Variants in TFDP1 observed in about 807,000 individuals in gnomAD.
The protein encoded by TFDP1 is transcription factor Dp-1.
TFDP1 carries 6 observed loss-of-function variants against 48.0 expected under a neutral mutation model. That is an observed-to-expected ratio of 0.13 (90% CI 0.07 to 0.25). The LOEUF (loss-of-function observed/expected upper bound fraction) is 0.25. Among genes scored for constraint, TFDP1 ranks in the 10% least tolerant of loss-of-function variants. The pLI, the probability that TFDP1 is intolerant of heterozygous loss-of-function variation, is 1.00. For synonymous variants in TFDP1, 201 were observed against 211.6 expected (o/e 0.95, Z 0.44); for missense variants, 335 against 543.0 (o/e 0.62, Z 3.81).
intron 2 of TFDP1, among the ~76,000 whole-genome samples, chr13:113,587,362 G>A (rs2048030988): frequency 6.6e-6 from 1 of 152,132 alleles, no homozygotes; most frequent in Admixed American, 6.5e-5. Flanking sequence ...TGGGAGGAGA[G>A]TAGGATTCTG....
At chr13:113,615,804 T>C (rs1277958604) in intron 3 of TFDP1, among the ~76,000 whole-genome samples, 1 of 151,976 alleles carries the variant, frequency 6.6e-6, no homozygotes, top group African/African-American at 2.4e-5. Context: ...CCCAGCTACT[T>C]GGGAGGCTGG....
chr13:113,622,655 G>C (rs1308543671), intron 3 of TFDP1, among the ~76,000 whole-genome samples: 1 of 152,166 alleles, frequency 6.6e-6, no homozygotes, highest in Non-Finnish European at 1.5e-5. Flanking sequence ...CTGCAGAGGG[G>C]TCTCCCGCTT....
Position 113,633,025 on chromosome 13 carries a change from C to A in TFDP1, c.309-95C>A. 1 of 1,493,432 alleles carries A rather than the reference C, an allele frequency of 6.7e-7. No homozygotes were observed. The highest frequency in any genetic ancestry group is 2.1e-5 in the Admixed American group (1 of 46,872). 92.5% of individuals were successfully genotyped at this position (1,493,432 alleles called of 1,614,324 possible). On this transcript the variant is annotated intron_variant, in intron 5 of 11. Transcript: ENST00000375370. This position sits in a 1 kb window ranked among gnomAD's most constrained non-coding sequence, Gnocchi z 4.5. ...CCGTGGGACGTGGCCCCTTTTTGTGCAGCTCATTAGAGCTCTCAGGTAAAA... is the reference window on the plus strand; with the variant it reads ...CCGTGGGACGTGGCCCCTTTTTGTGAAGCTCATTAGAGCTCTCAGGTAAAA...
chr13:113,589,266 T>A (rs2048081764), intron 2 of TFDP1, among the ~76,000 whole-genome samples: 1 of 152,166 alleles, frequency 6.6e-6, no homozygotes, highest in Non-Finnish European at 1.5e-5. Flanking sequence ...AGTGGGAGAA[T>A]GTGGAGAACA....
chr13:113,610,524 C>T (rs1199449370), intron 2 of TFDP1, among the ~76,000 whole-genome samples: 2 of 149,216 alleles, frequency 1.3e-5, no homozygotes, highest in Non-Finnish European at 3.0e-5. Flanking sequence ...GTGGTTGTGC[C>T]ATCATACGTG....
intron 11 of TFDP1, 95 bp from the exon 12 acceptor site, chr13:113,640,025 G>A: frequency 1.1e-6 from 1 of 907,068 alleles, no homozygotes; most frequent in East Asian, 2.6e-5. Context: ...CCACACCTGT[G>A]GGGCACAGCC....
Position 113,607,555 on chromosome 13 carries a change from G to A in TFDP1, c.13-3441G>A, listed in dbSNP as rs1436798733. On this transcript the variant is annotated intron_variant, in intron 2 of 11. Coordinates refer to ENST00000375370, the MANE Select transcript of TFDP1 (RefSeq NM_007111.5). The surrounding 1 kb of genome is among the most constrained non-coding windows in gnomAD (Gnocchi z 5.2). ...TCCTTGTTCTCTCCTCATTGCTGCC[G>A]TCACTGTGTGCTGCGCATGCCCTGC... Among the ~76,000 whole-genome samples the A allele has an allele frequency of 2.6e-5, 4 of 152,196 alleles. No homozygotes were observed. Among genetic ancestry groups the A allele is most frequent in the African/African-American group, 7.2e-5 (3 of 41,448 alleles).
At position 113,633,920 on chromosome 13, in the gene TFDP1, G is replaced by A. The variant is rs1341133643; in HGVS notation, c.505G>A (p.Val169Ile). The change falls in exon 7 of 12, where the codon GTC becomes ATC. Residue 169 changes from valine to isoleucine, a missense_variant. Coordinates refer to ENST00000375370, the MANE Select transcript of TFDP1 (RefSeq NM_007111.5). The surrounding 1 kb of genome is among the most constrained non-coding windows in gnomAD (Gnocchi z 4.5). ...TGACCAGAAAAACATAAGACGGCGCGTCTACGATGCCTTAAACGTGCTAAT... is the reference window on the plus strand; with the variant it reads ...TGACCAGAAAAACATAAGACGGCGCATCTACGATGCCTTAAACGTGCTAAT... ...AYDQKNIRRR[V>I]YDALNVLMAM... The A allele has an allele frequency of 3.1e-6, 5 of 1,614,000 alleles. No homozygotes were observed. Among genetic ancestry groups the A allele is most frequent in the East Asian group, 2.2e-5 (1 of 44,888 alleles).
intron 3 of TFDP1, among the ~76,000 whole-genome samples, chr13:113,619,499 AAG>A (rs1406733224): frequency 6.6e-6 from 1 of 151,214 alleles, no homozygotes; most frequent in African/African-American, 2.4e-5. Flanking sequence ...AAAAAAAAAA[AAG>A]AAGAAGCCCA....
intron 2 of TFDP1, among the ~76,000 whole-genome samples, chr13:113,606,791 A>G (rs1169271276): frequency 1.3e-5 from 2 of 152,086 alleles, no homozygotes; most frequent in Admixed American, 1.3e-4. Flanking sequence ...TTTGACACAC[A>G]TTGTATTATG....
rs373442144 is a variant in TFDP1 at position 113,631,619 on chromosome 13, G to C, written c.187-4G>C. On this transcript the variant is annotated splice_region_variant and splice_polypyrimidine_tract_variant and intron_variant, in intron 4 of 11. Coordinates refer to ENST00000375370, the MANE Select transcript of TFDP1 (RefSeq NM_007111.5). ...ACTGTCTGAATTGTCTTTTTCGACT[G>C]TAGGTAATTGGTACGCCTCAGAGAC... 1 of 1,612,552 alleles carries C rather than the reference G, an allele frequency of 6.2e-7. No individual in the cohort carries two copies. The highest frequency in any genetic ancestry group is 1.3e-5 in the African/African-American group (1 of 74,836).
At chr13:113,585,951 AGT>A in intron 2 of TFDP1, 102 bp downstream of exon 2, 1 of 1,332,960 alleles carries the variant, frequency 7.5e-7, no homozygotes, top group Non-Finnish European at 1.1e-6. Context: ...AAGCTACAGT[AGT>A]GTTTATTTTC....
At chr13:113,618,852 C>T (rs148777910) in intron 3 of TFDP1, among the ~76,000 whole-genome samples, 131 of 152,304 alleles carry the variant, frequency 8.6e-4, no homozygotes, top group African/African-American at 3.1e-3. Flanking sequence ...AAATCTGAAA[C>T]ACAATGTTGG....
At position 113,633,419 on chromosome 13, in the gene TFDP1, A is replaced by C; in HGVS notation, c.474+134A>C. ...TACAGCATAAAAGAATTTTTACCAAACGAGTCAGTAAGTGTGTGCCGGGGC... is the reference window on the plus strand; with the variant it reads ...TACAGCATAAAAGAATTTTTACCAACCGAGTCAGTAAGTGTGTGCCGGGGC... On this transcript the variant is annotated intron_variant, in intron 6 of 11. Transcript: ENST00000375370. This position sits in a 1 kb window ranked among gnomAD's most constrained non-coding sequence, Gnocchi z 4.5. 1 of 1,001,600 alleles carries C rather than the reference A, an allele frequency of 1.0e-6. No individual in the cohort carries two copies. The allele number at this position is 1,001,600 out of a possible 1,614,324, so 62.0% of individuals were successfully genotyped here.
chr13:113,634,254 G>C, intron 7 of TFDP1: 1 of 681,540 alleles, frequency 1.5e-6, no homozygotes, highest in Non-Finnish European at 2.6e-6. Context: ...CTCTAGTGTA[G>C]GTTAATTCTG....
At chr13:113,619,488 A>C (rs9635129) in intron 3 of TFDP1, among the ~76,000 whole-genome samples, 57,112 of 148,138 alleles carry the variant, frequency 0.39, 11,335 homozygotes, top group Middle Eastern at 0.46. Flanking sequence ...AAACAAAAAA[A>C]AAAAAAAAAA....
rs1481396051 is a variant in TFDP1, at chr13:113,623,277, C to T, written c.177C>T (p.Ala59=). The change falls in exon 4 of 12, where the codon GCC becomes GCT. Residue 59 remains alanine (A), a synonymous_variant. Coordinates refer to ENST00000375370, the MANE Select transcript of TFDP1 (RefSeq NM_007111.5). This position sits in a 1 kb window ranked among gnomAD's most constrained non-coding sequence, Gnocchi z 5.2. ...TTGGACAGTCCAATGTCAACATTGC[C>T]CAGCAAGTGGTAAGCCTCCCGCAGG... The part of the protein sequence containing the change: ...KTFGQSNVNI[A]QQVVIGTPQR... 1 of 1,611,258 alleles carries T rather than the reference C, an allele frequency of 6.2e-7. No individual in the cohort carries two copies. The highest frequency in any genetic ancestry group is 1.3e-5 in the African/African-American group (1 of 74,806).
chr13:113,599,092 T>G (rs1181141200), intron 2 of TFDP1, among the ~76,000 whole-genome samples: 2 of 152,196 alleles, frequency 1.3e-5, no homozygotes, highest in African/African-American at 4.8e-5. Flanking sequence ...TAAATACACA[T>G]GTACAGTACG....
chr13:113,637,722 C>G, intron 10 of TFDP1, 96 bp from the exon 11 acceptor site: 1 of 1,604,966 alleles, frequency 6.2e-7, no homozygotes, highest in Non-Finnish European at 8.5e-7. Context: ...CTACAGCCGT[C>G]TGTCCTGTGG....
Sources: allele counts gnomAD v4.1 joint callset (sites outside exome capture counted in the v4.1 genomes callset), GRCh38; gene constraint gnomAD v4.1.1; non-coding constraint Gnocchi (gnomAD v3.1); transcripts MANE v1.5; gene names NCBI Gene and HGNC (gene_info 2026-07-23, HGNC 2026-07-21).